The following CYP11B1 variants were observed in gnomAD, a reference collection of about 807,000 sequenced individuals.
CYP11B1 encodes cytochrome P450 11B1, mitochondrial.
Under a neutral mutation model 48.3 loss-of-function variants are expected in CYP11B1, and 34 were observed. The ratio of observed to expected loss-of-function variants is 0.70; its 90% CI spans 0.54 to 0.94. The LOEUF (loss-of-function observed/expected upper bound fraction) is 0.94. Ranked by LOEUF, CYP11B1 falls within the 40% of genes least tolerant of loss-of-function variation. The probability of loss-of-function intolerance (pLI) is 0.00; values close to 1 mark genes in which losing one functional copy is unlikely to be tolerated. For synonymous variants in CYP11B1, 291 were observed against 262.5 expected, an observed-to-expected ratio of 1.11 and a Z score of -1.05; for missense variants, 688 against 657.4, an observed-to-expected ratio of 1.05 and a Z score of -0.51.
At chr8:142,878,338 C>T (rs1054203502) in intron 2 of CYP11B1, among the ~76,000 whole-genome samples, 18 of 152,274 alleles carry the variant, frequency 1.2e-4, no homozygotes, top group African/African-American at 2.4e-4. Flanking sequence ...TGGGGGCTGT[C>T]GCCACTGTGA....
rs780468070 is a variant in CYP11B1 at position 142,876,426 on chromosome 8, C to T, written c.800-31G>A. ...CGGGGAGCGGGAGGCAGCCCTCAGA[C>T]TTTGGTGCTGGGAGACATCCTTCAG... is the stretch of plus-strand genomic sequence containing the variant. On this transcript the variant is annotated intron_variant, in intron 4 of 8. Transcript: ENST00000292427. 9.3e-6 allele frequency: 15 copies of T among 1,605,038 alleles called. No individual in the cohort carries two copies. In the South Asian group the frequency reaches 1.5e-4, roughly 16 times the overall value.
At chr8:142,875,629 C>T in intron 6 of CYP11B1, 83 bp downstream of exon 6, 1 of 1,519,706 alleles carries the variant, frequency 6.6e-7, no homozygotes, top group Non-Finnish European at 9.0e-7. Context: ...TTTATCAGCC[C>T]CAGATTCTGT....
rs4998902 is a variant in CYP11B1, at chr8:142,875,089, G to C, written c.1266C>G (p.Arg422=). 1.7e-4 allele frequency: 274 copies of C among 1,613,274 alleles called. No homozygotes were observed. The highest frequency in any genetic ancestry group is 4.2e-4 in the Admixed American group (25 of 60,004). ...TGTCTAGCCAGCGCTGGGGGTTATA[G>C]CGCTCAGGCCTCGGGAACAAGGCGG... The part of the protein sequence containing the change: ...RNPALFPRPE[R]YNPQRWLDIR... The change falls in exon 8 of 9, where the codon CGC becomes CGG. Residue 422 remains arginine (R), a synonymous_variant. Transcript: ENST00000292427.
intron 4 of CYP11B1, 127 bp from the exon 5 acceptor site, chr8:142,876,522 C>A (rs1423391783): frequency 1.5e-5 from 23 of 1,543,034 alleles, no homozygotes; most frequent in Non-Finnish European, 2.0e-5. Flanking sequence ...TCCGGATCAG[C>A]CCAGCCCAGC....
chr8:142,875,096 G>A lies in CYP11B1; in HGVS notation c.1259C>T (p.Pro420Leu). The change falls in exon 8 of 9, where the codon CCT becomes CTT. Residue 420 changes from proline (P) to leucine (L), a missense_variant. Physicochemically the swap from Pro to Leu is moderately conservative, Grantham distance 98. Transcript: ENST00000292427. ...LGRNPALFPR[P>L]ERYNPQRWLD... ...CCAGCGCTGGGGGTTATAGCGCTCA[G>A]GCCTCGGGAACAAGGCGGGGTTGCG... 6.2e-7 allele frequency: 1 copy of A among 1,614,274 alleles called. No homozygotes were observed. The highest frequency in any genetic ancestry group is 8.5e-7 in the Non-Finnish European group (1 of 1,180,046).
At chr8:142,876,053 A>G in intron 5 of CYP11B1, 175 bp from the exon 6 acceptor site, 1 of 1,121,262 alleles carries the variant, frequency 8.9e-7, no homozygotes, top group Non-Finnish European at 1.3e-6. Context: ...AGTCCTCCAC[A>G]GAAAGGAACC....
intron 6 of CYP11B1, 162 bp from the exon 7 acceptor site, chr8:142,875,474 C>G (rs999327306): frequency 8.9e-7 from 1 of 1,124,608 alleles, no homozygotes; most frequent in African/African-American, 1.5e-5. Context: ...CAAACCTCCC[C>G]TAACTTAAGC....
In CYP11B1 at chr8:142,875,989, A is replaced by C. The variant is rs6471570; in HGVS notation, c.955-111T>G. 811,927 of 1,371,510 alleles carry C rather than the reference A, an allele frequency of 0.59. 243,973 individuals carry two copies. Among genetic ancestry groups the C allele is most frequent in the East Asian group, 0.84 (36,558 of 43,408 alleles). 85.0% of individuals were successfully genotyped at this position (1,371,510 alleles called of 1,614,324 possible). On this transcript the variant is annotated intron_variant, in intron 5 of 8. Transcript: ENST00000292427. ...GGGGTGCAGACATGCATACCCTGAG[A>C]ACGACAGAGCCCAAGACTTCAAATC...
At chr8:142,874,916 C>T (rs1220745544) in intron 8 of CYP11B1, 41 bp downstream of exon 8, 31 of 1,608,818 alleles carry the variant, frequency 1.9e-5, no homozygotes, top group African/African-American at 4.0e-5. Context: ...CCATGCTGCC[C>T]AGACCCCGCC....
intron 2 of CYP11B1, among the ~76,000 whole-genome samples, chr8:142,877,426 C>T (rs1327084025): frequency 6.6e-6 from 1 of 152,250 alleles, no homozygotes; most frequent in Admixed American, 6.5e-5. Flanking sequence ...CAGGTCTAAG[C>T]AGGGATGAGA....
At chr8:142,876,977 G>C (rs1190999092) in intron 3 of CYP11B1, 46 bp downstream of exon 3, 1 of 1,612,048 alleles carries the variant, frequency 6.2e-7, no homozygotes, top group Admixed American at 1.7e-5. Flanking sequence ...CCCGTCCCTG[G>C]CCACTCCAGG....
intron 5 of CYP11B1, 81 bp from the exon 6 acceptor site, chr8:142,875,959 T>G (rs535231159): frequency 2.0e-5 from 31 of 1,552,870 alleles, no homozygotes; most frequent in Non-Finnish European, 2.2e-5. Context: ...ACAACCTCCC[T>G]GTGAGGGGTG....
rs576292844 is a variant in CYP11B1, at chr8:142,874,445, G to A, written c.1440C>T (p.Asp480=). ...ATATGAAGCTGTAGACCATCTTTATGTCCTCTTGGGTTAGTGTCTCCACCT... is the reference window on the plus strand; with the variant it reads ...ATATGAAGCTGTAGACCATCTTTATATCCTCTTGGGTTAGTGTCTCCACCT... ...HLQVETLTQE[D]IKMVYSFILR... Residue 480 remains aspartate (D), a synonymous_variant, in exon 9 of 9, where the codon GAC becomes GAT. Transcript: ENST00000292427. 15 of 1,614,030 alleles carry A rather than the reference G, an allele frequency of 9.3e-6. No homozygotes were observed. In the African/African-American group the frequency reaches 1.6e-4, roughly 17 times the overall value.
Position 142,875,323 on chromosome 8 carries a change from G to A in CYP11B1, c.1122-11C>T, listed in dbSNP as rs1816902379. 3 of 1,610,878 alleles carry A rather than the reference G, an allele frequency of 1.9e-6. No individual in the cohort carries two copies. The highest frequency in any genetic ancestry group is 1.7e-5 in the Admixed American group (1 of 59,610). ...CCCACAGGGTAGAGCCTGGAGGTGG[G>A]GGCATCCATAGAAAGGGTCCTCAGC... On this transcript the variant is annotated splice_polypyrimidine_tract_variant and intron_variant, in intron 6 of 8. Coordinates refer to ENST00000292427, the MANE Select transcript of CYP11B1 (RefSeq NM_000497.4).
In CYP11B1 at chr8:142,874,282, G is replaced by A; in HGVS notation, c.*91C>T. On this transcript the variant is annotated 3_prime_UTR_variant, in exon 9 of 9. Coordinates refer to ENST00000292427, the MANE Select transcript of CYP11B1 (RefSeq NM_000497.4). ...GTTAGACAGAGGGGTGACTCAGGAA[G>A]CTGTGCATGTGGGAGAGAAGAGGGG... The A allele has an allele frequency of 1.1e-6, 1 of 880,322 alleles. No individual in the cohort carries two copies. Among genetic ancestry groups the A allele is most frequent in the Admixed American group, 1.7e-5 (1 of 57,358 alleles). 54.5% of individuals were successfully genotyped at this position (880,322 alleles called of 1,614,324 possible). A position where few individuals can be genotyped will look rare whatever the true frequency, so the allele number is the denominator to read the frequency against.
Position 142,879,791 on chromosome 8 carries a change from T to C in CYP11B1, c.23A>G (p.Glu8Gly). The C allele has an allele frequency of 1.2e-6, 2 of 1,614,056 alleles. No individual in the cohort carries two copies. Among genetic ancestry groups the C allele is most frequent in the South Asian group, 1.1e-5 (1 of 91,084 alleles). Residue 8 changes from glutamate to glycine, a missense_variant, in exon 1 of 9, where the codon GAG (glutamate) becomes GGG (glycine). By Grantham distance (98) the Glu-to-Gly change is moderately conservative (BLOSUM62 -2). Transcript: ENST00000292427. The part of the protein sequence containing the change: MALRAKA[E>G]VCMAVPWLSL... ...CAGCCAGGGCACTGCCATGCACACC[T>C]CTGCCTTTGCCCTGAGTGCCATTCC...
At position 142,878,885 on chromosome 8, in the gene CYP11B1, C is replaced by G. The variant is rs146982961; in HGVS notation, c.395+147G>C. ...AACCCACAGGGCAGACACGACCCCA[C>G]GGAATGGCCGTCCTCTGGGTCGGGT... On this transcript the variant is annotated intron_variant, in intron 2 of 8. Coordinates refer to ENST00000292427, the MANE Select transcript of CYP11B1 (RefSeq NM_000497.4). 1.5e-4 allele frequency: 188 copies of G among 1,252,040 alleles called. No individual in the cohort carries two copies. The African/African-American group carries it at 2.3e-3, about 16-fold the overall frequency. The allele number at this position is 1,252,040 out of a possible 1,614,324, so 77.6% of individuals were successfully genotyped here. A position where few individuals can be genotyped will look rare whatever the true frequency, so the allele number is the denominator to read the frequency against.
rs187094997 is a variant in CYP11B1 at position 142,876,076 on chromosome 8, C to T, written c.954+165G>A. ...ACAGAAAGGAACCCCCCATTCCAAC[C>T]ATGGCAACCTGCAAACGTGTTTATC... On this transcript the variant is annotated intron_variant, in intron 5 of 8. Coordinates refer to ENST00000292427, the MANE Select transcript of CYP11B1 (RefSeq NM_000497.4). 63 of 1,182,910 alleles carry T rather than the reference C, an allele frequency of 5.3e-5. No homozygotes were observed. In the East Asian group the frequency reaches 1.5e-3, roughly 28 times the overall value. The allele number at this position is 1,182,910 out of a possible 1,614,324, so 73.3% of individuals were successfully genotyped here. A position where few individuals can be genotyped will look rare whatever the true frequency, so the allele number is the denominator to read the frequency against.
At position 142,873,390 on chromosome 8, in the gene CYP11B1, C is replaced by T. The variant is rs1331432283; in HGVS notation, c.*983G>A. 1 of 152,218 alleles carries T rather than the reference C, an allele frequency of 6.6e-6. No homozygotes were observed. Among genetic ancestry groups the T allele is most frequent in the Non-Finnish European group, 1.5e-5 (1 of 68,060 alleles). 9.4% of individuals were successfully genotyped at this position (152,218 alleles called of 1,614,324 possible). On this transcript the variant is annotated 3_prime_UTR_variant, in exon 9 of 9. Coordinates refer to ENST00000292427, the MANE Select transcript of CYP11B1 (RefSeq NM_000497.4). ...GAGTGGCCAGTTCAGGAGGGGTCAA[C>T]TCTCTCTGCTGGGCTAGGAGCAGAT...
Sources: allele counts gnomAD v4.1 joint callset (sites outside exome capture counted in the v4.1 genomes callset), GRCh38; gene constraint gnomAD v4.1.1; transcripts MANE v1.5; gene names NCBI Gene and HGNC (gene_info 2026-07-23, HGNC 2026-07-21).